GSG1L: variants seen among roughly 807,000 people sequenced by gnomAD.
GSG1L encodes germ cell-specific gene 1-like protein.
GSG1L carries 24 observed loss-of-function variants against 42.1 expected under a neutral mutation model. The ratio of observed to expected loss-of-function variants is 0.57; its 90% CI spans 0.41 to 0.80. The LOEUF is 0.80. Ranked by LOEUF, GSG1L falls within the 30% of genes least tolerant of loss-of-function variation. The pLI is 0.00. For synonymous variants in GSG1L, 215 were observed against 203.5 expected, an observed-to-expected ratio of 1.06 and a Z score of -0.48; for missense variants, 445 against 472.2, an observed-to-expected ratio of 0.94 and a Z score of 0.53.
At chr16:27,994,790 G>C (rs1020548043) in intron 1 of GSG1L, among the ~76,000 whole-genome samples, 1 of 152,160 alleles carries the variant, frequency 6.6e-6, no homozygotes, top group Non-Finnish European at 1.5e-5. Flanking sequence ...ATAATTCTCT[G>C]CTTCTAGGCC....
intron 5 of GSG1L, chr16:27,823,799 G>A: frequency 1.4e-6 from 1 of 698,752 alleles, no homozygotes; most frequent in Non-Finnish European, 2.6e-6. Context: ...TCAAGCCTGA[G>A]AGGCCACACA....
Position 27,798,459 on chromosome 16 carries a change from C to T in GSG1L, c.899-6992G>A, listed in dbSNP as rs183263239. 1.9e-3 allele frequency among the ~76,000 whole-genome samples: 282 copies of T among 152,206 alleles called. 1 individual carries two copies. The highest frequency in any genetic ancestry group is 2.7e-3 in the Non-Finnish European group (185 of 68,020). On this transcript the variant is annotated intron_variant, in intron 6 of 6. Coordinates refer to ENST00000447459, the MANE Select transcript of GSG1L (RefSeq NM_001109763.2). ...GGGTGTGAAATAGGTCCTTGGCAGG[C>T]GGATGAGGTTCTTCAGGAAGTGTGA...
intron 5 of GSG1L, among the ~76,000 whole-genome samples, chr16:27,817,907 A>G (rs1454092742): frequency 2.6e-5 from 4 of 152,134 alleles, no homozygotes; most frequent in Non-Finnish European, 5.9e-5. Context: ...GGCTGGCCAC[A>G]TCCACCTCCT....
intron 1 of GSG1L, among the ~76,000 whole-genome samples, chr16:27,981,294 T>G (rs2085323852): frequency 6.6e-6 from 1 of 152,192 alleles, no homozygotes; most frequent in Non-Finnish European, 1.5e-5. Context: ...TTGAGTGCTT[T>G]CAACTTGCTG....
chr16:27,889,922 A>G (rs1398435613), intron 2 of GSG1L, among the ~76,000 whole-genome samples: 1 of 152,226 alleles, frequency 6.6e-6, no homozygotes, highest in Non-Finnish European at 1.5e-5. Flanking sequence ...GTAGCAACGT[A>G]TCACCCGTTT....
In GSG1L at chr16:28,044,623, C is replaced by CTTTT. The variant is rs71140942; in HGVS notation, c.349+18449_349+18452dup. Among the ~76,000 whole-genome samples, 72 of 130,606 alleles carry CTTTT rather than the reference C, an allele frequency of 5.5e-4. 1 individual carries two copies. Among genetic ancestry groups the CTTTT allele is most frequent in the Non-Finnish European group, 8.3e-4 (52 of 62,442 alleles). 85.7% of individuals were successfully genotyped at this position (130,606 alleles called of 152,430 possible). ...TGAAAAGACATGCAGGCAACGAATG[C>CTTTT]TTTTTTTTTTTTTTTTTTGAGGCAG... On this transcript the variant is annotated intron_variant, in intron 1 of 6. Transcript: ENST00000447459.
At chr16:27,974,844 T>C (rs530630708) in intron 1 of GSG1L, among the ~76,000 whole-genome samples, 28 of 152,292 alleles carry the variant, frequency 1.8e-4, no homozygotes, top group African/African-American at 6.7e-4. Context: ...TCAGGGTCTC[T>C]GCAGGAAACA....
intron 3 of GSG1L, among the ~76,000 whole-genome samples, chr16:27,879,474 G>A (rs1325390212): frequency 1.3e-5 from 2 of 152,152 alleles, no homozygotes; most frequent in African/African-American, 4.8e-5. Flanking sequence ...AATTAGCTGG[G>A]CATGATGTCA....
chr16:27,828,401 C>T (rs1420480167), intron 5 of GSG1L, among the ~76,000 whole-genome samples: 1 of 152,230 alleles, frequency 6.6e-6, no homozygotes, highest in African/African-American at 2.4e-5. Flanking sequence ...CTCCTGGAGC[C>T]ATCACCAATC....
chr16:27,799,981 C>T (rs145577120), intron 6 of GSG1L, among the ~76,000 whole-genome samples: 10 of 152,186 alleles, frequency 6.6e-5, no homozygotes, highest in African/African-American at 2.4e-4. Flanking sequence ...AGCTGCGGAA[C>T]CCTGGGTCCC....
chr16:27,949,904 G>A (rs1044228711), intron 2 of GSG1L, among the ~76,000 whole-genome samples: 19 of 152,276 alleles, frequency 1.2e-4, no homozygotes, highest in Admixed American at 9.2e-4. Flanking sequence ...CAGCCTGGGC[G>A]ACAGAGTGAG....
In GSG1L at chr16:27,816,565, G is replaced by T. The variant is rs1482920017; in HGVS notation, c.831-9011C>A. On this transcript the variant is annotated intron_variant, in intron 5 of 6. Transcript: ENST00000447459. ...AAGCGAAGACAGATTTGTAACTTTTGCCCAGTTTCTTGGTAGCCTGGCTGT... is the reference window on the plus strand; with the variant it reads ...AAGCGAAGACAGATTTGTAACTTTTTCCCAGTTTCTTGGTAGCCTGGCTGT... Among the ~76,000 whole-genome samples the T allele has an allele frequency of 2.0e-5, 3 of 152,192 alleles. No individual in the cohort carries two copies. In the East Asian group the frequency reaches 5.8e-4, roughly 29 times the overall value.
At chr16:27,906,427 C>T (rs974142180) in intron 2 of GSG1L, among the ~76,000 whole-genome samples, 6 of 152,156 alleles carry the variant, frequency 3.9e-5, no homozygotes, top group Admixed American at 3.9e-4. Context: ...TAGTCCTGGC[C>T]ACCAGGCTCT....
chr16:27,803,788 TATATATAGATAGATAG>T lies in GSG1L; in HGVS notation c.898+3683_898+3698del, dbSNP rs1402225244. ...AGACATATATATATATATATATATA[TATATATAGATAGATAG>T]ATATAGATATAGATATAGATATAGA... is the stretch of plus-strand genomic sequence containing the variant. On this transcript the variant is annotated intron_variant, in intron 6 of 6. Coordinates refer to ENST00000447459, the MANE Select transcript of GSG1L (RefSeq NM_001109763.2). 3.5e-3 allele frequency among the ~76,000 whole-genome samples: 222 copies of T among 63,610 alleles called. 3 individuals carry two copies. The highest frequency in any genetic ancestry group is 0.013 in the African/African-American group (206 of 16,342). The allele number at this position is 63,610 out of a possible 152,430, so 41.7% of individuals were successfully genotyped here.
intron 2 of GSG1L, among the ~76,000 whole-genome samples, chr16:27,905,064 C>T (rs1308708759): frequency 2.0e-5 from 3 of 152,176 alleles, no homozygotes; most frequent in African/African-American, 7.2e-5. Context: ...AACTGTGAGG[C>T]CCTAGGACAC....
chr16:28,009,883 A>T (rs1435775956), intron 1 of GSG1L, among the ~76,000 whole-genome samples: 3 of 152,242 alleles, frequency 2.0e-5, no homozygotes, highest in Non-Finnish European at 4.4e-5. Context: ...GTCTTATCTT[A>T]GCTGCTGGCA....
rs1304678176 is a variant in GSG1L at position 28,059,602 on chromosome 16, C to T, written c.349+3474G>A. ...CACAAGCTCCCACCTGCCCCACCAT[C>T]GCCCCTAACCCAGACCTTCATTCTC... On this transcript the variant is annotated intron_variant, in intron 1 of 6. Transcript: ENST00000447459. This position sits in a 1 kb window ranked among gnomAD's most constrained non-coding sequence, Gnocchi z 4.4. Among the ~76,000 whole-genome samples the T allele has an allele frequency of 6.6e-6, 1 of 152,078 alleles. No homozygotes were observed. The highest frequency in any genetic ancestry group is 2.4e-5 in the African/African-American group (1 of 41,394).
intron 4 of GSG1L, among the ~76,000 whole-genome samples, chr16:27,838,818 G>A (rs538725607): frequency 4.6e-5 from 7 of 152,288 alleles, no homozygotes; most frequent in Admixed American, 4.6e-4. Flanking sequence ...TGAGGGCCCA[G>A]CTGGTCCCTC....
intron 2 of GSG1L, among the ~76,000 whole-genome samples, chr16:27,917,651 G>T (rs1406594047): frequency 6.6e-6 from 1 of 152,162 alleles, no homozygotes; most frequent in Non-Finnish European, 1.5e-5. Context: ...CAGTGGGGAA[G>T]TATTCCCAGA....
Sources: allele counts gnomAD v4.1 joint callset (sites outside exome capture counted in the v4.1 genomes callset), GRCh38; gene constraint gnomAD v4.1.1; non-coding constraint Gnocchi (gnomAD v3.1); transcripts MANE v1.5; gene names NCBI Gene and HGNC (gene_info 2026-07-23, HGNC 2026-07-21).